Variants in MTREX observed in about 807,000 individuals in gnomAD.
MTREX encodes the protein Mtr4 exosome RNA helicase.
MTREX carries 76 observed loss-of-function variants against 135.4 expected under a neutral mutation model. That is an observed-to-expected ratio of 0.56 (90% CI 0.47 to 0.68). The LOEUF (loss-of-function observed/expected upper bound fraction) is 0.68. Among genes scored for constraint, MTREX ranks in the 30% least tolerant of loss-of-function variants. The pLI, the probability that MTREX is intolerant of heterozygous loss-of-function variation, is 0.00. For synonymous variants in MTREX, 404 were observed against 401.6 expected, an observed-to-expected ratio of 1.01 and a Z score of -0.07; for missense variants, 920 against 1,262.1, an observed-to-expected ratio of 0.73 and a Z score of 4.11.
chr5:55,415,978 T>TA lies in MTREX; in HGVS notation c.2821dup (p.Arg941LysfsTer14), dbSNP rs1470211108. ...CTCTTTTATCTTTAAAGGAATGTGC[T>TA]AAAAGAATTGCAAAAGTTTCAGCAG... is the stretch of plus-strand genomic sequence containing the variant. On this transcript the variant is annotated frameshift_variant, in exon 25 of 27. Transcript: ENST00000230640. LOFTEE classifies it high-confidence loss of function. 17 of 1,590,970 alleles carry TA rather than the reference T, an allele frequency of 1.1e-5. No homozygotes were observed. The highest frequency in any genetic ancestry group is 1.5e-5 in the Non-Finnish European group (17 of 1,172,320).
intron 22 of MTREX, among the ~76,000 whole-genome samples, 163 bp downstream of exon 22, chr5:55,405,751 A>G (rs78900452): frequency 0.024 from 3,588 of 152,164 alleles, 56 homozygotes; most frequent in Non-Finnish European, 0.028. Flanking sequence ...AAGTGATTTT[A>G]AAAATAACCA....
intron 21 of MTREX, among the ~76,000 whole-genome samples, chr5:55,402,215 A>G (rs1362614219): frequency 6.6e-6 from 1 of 152,234 alleles, no homozygotes; most frequent in Admixed American, 6.5e-5. Context: ...CTATGCTCTG[A>G]CCCACCTTCA....
chr5:55,324,787 C>T (rs1412129856), intron 3 of MTREX: 2 of 152,098 alleles, frequency 1.3e-5, no homozygotes, highest in African/African-American at 4.8e-5. Flanking sequence ...TATTTAAAAA[C>T]ATTGTTTTTT....
At chr5:55,328,511 ATGT>A (rs886496721) in intron 4 of MTREX, among the ~76,000 whole-genome samples, 185 bp from the exon 5 acceptor site, 2 of 152,160 alleles carry the variant, frequency 1.3e-5, no homozygotes, top group Non-Finnish European at 1.5e-5. Context: ...ATTAGCTTCT[ATGT>A]TGTTTGGGCA....
In MTREX at chr5:55,401,392, T is replaced by C. The variant is rs560551421; in HGVS notation, c.2481+971T>C. ...CATATTTTGTTTACCCATTCATCAGTTGATGGACAGGACATTTGTTTTTTT... is the reference window on the plus strand; with the variant it reads ...CATATTTTGTTTACCCATTCATCAGCTGATGGACAGGACATTTGTTTTTTT... On this transcript the variant is annotated intron_variant, in intron 21 of 26. Transcript: ENST00000230640. Among the ~76,000 whole-genome samples, 3 of 152,366 alleles carry C rather than the reference T, an allele frequency of 2.0e-5. No individual in the cohort carries two copies. In the South Asian group the frequency reaches 6.2e-4, roughly 32 times the overall value.
intron 21 of MTREX, among the ~76,000 whole-genome samples, chr5:55,403,161 A>G (rs879514207): frequency 1.1e-4 from 16 of 152,022 alleles, no homozygotes; most frequent in African/African-American, 2.4e-5. Context: ...TGGTTGCACG[A>G]CTGTACTCCA....
At chr5:55,422,770 T>A in intron 25 of MTREX, 108 bp from the exon 26 acceptor site, 1 of 778,656 alleles carries the variant, frequency 1.3e-6, no homozygotes, top group Admixed American at 2.8e-5. Context: ...GGGAAGTCCC[T>A]CAAAGTACTA....
intron 1 of MTREX, among the ~76,000 whole-genome samples, chr5:55,319,570 T>TAG (rs1318070779): frequency 6.6e-6 from 1 of 152,226 alleles, no homozygotes; most frequent in African/African-American, 2.4e-5. Flanking sequence ...GTGCTATGTA[T>TAG]AGAGCATGCT....
chr5:55,423,114 G>A (rs1751081087), intron 26 of MTREX, 132 bp downstream of exon 26: 1 of 650,002 alleles, frequency 1.5e-6, no homozygotes, highest in East Asian at 2.8e-5. Flanking sequence ...CTATCTACTA[G>A]TGTTTCTATA....
intron 16 of MTREX, among the ~76,000 whole-genome samples, chr5:55,375,141 C>T (rs930597211): frequency 3.3e-5 from 5 of 152,236 alleles, no homozygotes; most frequent in South Asian, 2.1e-4. Context: ...ATCACAGGAC[C>T]GCAGGACCAG....
chr5:55,411,630 A>C (rs1345911266), intron 23 of MTREX, among the ~76,000 whole-genome samples: 1 of 152,210 alleles, frequency 6.6e-6, no homozygotes, highest in African/African-American at 2.4e-5. Flanking sequence ...ATTACTGATT[A>C]GAATCACAGC....
intron 12 of MTREX, among the ~76,000 whole-genome samples, 191 bp from the exon 13 acceptor site, chr5:55,350,728 G>A (rs1045140983): frequency 6.6e-5 from 10 of 152,124 alleles, no homozygotes; most frequent in Non-Finnish European, 1.3e-4. Context: ...TTTCCTATGA[G>A]CTTGGCCAGA....
At chr5:55,367,910 A>G (rs1750130732) in intron 16 of MTREX, among the ~76,000 whole-genome samples, 1 of 152,230 alleles carries the variant, frequency 6.6e-6, no homozygotes, top group Non-Finnish European at 1.5e-5. Flanking sequence ...GATAGAGGAA[A>G]GTTAAAATCA....
In MTREX at chr5:55,425,258, A is replaced by G. The variant is rs753289960; in HGVS notation, c.*486A>G. The G allele has an allele frequency of 6.2e-7, 1 of 1,613,820 alleles. No individual in the cohort carries two copies. The highest frequency in any genetic ancestry group is 8.5e-7 in the Non-Finnish European group (1 of 1,179,780). On this transcript the variant is annotated 3_prime_UTR_variant, in exon 27 of 27. Transcript: ENST00000230640. ...ATTCCCAGTTGTTGGTGTTTCATGC[A>G]GAGTTGTATGAGAGTCCTCCTCTTT...
chr5:55,399,997 T>C (rs561898268), intron 20 of MTREX, among the ~76,000 whole-genome samples: 22 of 152,342 alleles, frequency 1.4e-4, no homozygotes, highest in African/African-American at 3.1e-4. Flanking sequence ...TTGTGACTTG[T>C]AGATTTATTA....
At chr5:55,368,307 C>T (rs763947256) in intron 16 of MTREX, among the ~76,000 whole-genome samples, 16 of 151,810 alleles carry the variant, frequency 1.1e-4, no homozygotes, top group Non-Finnish European at 1.9e-4. Context: ...AAAAATTAGC[C>T]GGGCATGGTG....
At chr5:55,321,672 G>A (rs1325420239) in intron 1 of MTREX, among the ~76,000 whole-genome samples, 1 of 144,880 alleles carries the variant, frequency 6.9e-6, no homozygotes, top group African/African-American at 2.6e-5. Context: ...GCAGTGGCGT[G>A]ATCTCAGCTT....
intron 16 of MTREX, among the ~76,000 whole-genome samples, chr5:55,369,941 C>T (rs1207465098): frequency 1.4e-5 from 2 of 146,352 alleles, no homozygotes; most frequent in Non-Finnish European, 3.0e-5. Flanking sequence ...TTTTTTGAGA[C>T]GGAGTTTCAT....
At chr5:55,337,640 A>G (rs1302200613) in intron 5 of MTREX, among the ~76,000 whole-genome samples, 1 of 152,092 alleles carries the variant, frequency 6.6e-6, no homozygotes, top group Non-Finnish European at 1.5e-5. Flanking sequence ...GTGATTTTCC[A>G]TATACTTAGC....
Sources: gnomAD v4.1 joint callset for allele counts (sites outside exome capture counted in the v4.1 genomes callset) on GRCh38, gnomAD v4.1.1 for gene constraint, MANE v1.5 for transcripts, NCBI Gene and HGNC (gene_info 2026-07-23, HGNC 2026-07-21) for gene names.